The following LRRC4C variants were observed in gnomAD, a reference collection of about 807,000 sequenced individuals.
The protein encoded by LRRC4C is leucine-rich repeat-containing protein 4C.
LRRC4C carries 5 observed loss-of-function variants against 33.6 expected under a neutral mutation model. That is an observed-to-expected ratio of 0.15 (90% CI 0.08 to 0.31). The LOEUF is 0.31. Ranked by LOEUF, LRRC4C falls within the 10% of genes least tolerant of loss-of-function variation. The pLI is 1.00. For synonymous variants in LRRC4C, 329 were observed against 302.0 expected (o/e 1.09, Z -0.93); for missense variants, 560 against 796.7 (o/e 0.70, Z 3.58).
At chr11:41,186,417 ACT>A (rs1945698014) in intron 1 of LRRC4C, among the ~76,000 whole-genome samples, 1 of 152,188 alleles carries the variant, frequency 6.6e-6, no homozygotes, top group Non-Finnish European at 1.5e-5. Flanking sequence ...AAAATATAAC[ACT>A]GTCTAAAAGT....
intron 3 of LRRC4C, among the ~76,000 whole-genome samples, chr11:40,495,806 T>C (rs963025098): frequency 5.8e-5 from 6 of 102,776 alleles, no homozygotes; most frequent in African/African-American, 1.4e-4. Context: ...AAGTTCTCAA[T>C]AAACATGTTT....
At chr11:40,334,761 T>A (rs567738952) in intron 3 of LRRC4C, among the ~76,000 whole-genome samples, 1 of 152,310 alleles carries the variant, frequency 6.6e-6, no homozygotes, top group Admixed American at 6.5e-5. Flanking sequence ...AGTACCTATC[T>A]CAAATTTTTA....
intron 2 of LRRC4C, among the ~76,000 whole-genome samples, chr11:40,728,485 G>A (rs1264638306): frequency 3.3e-5 from 5 of 151,654 alleles, no homozygotes; most frequent in Non-Finnish European, 7.4e-5. Flanking sequence ...AGTTAGCTGG[G>A]TGTGTTGGCG....
chr11:40,172,805 A>T (rs1051784195), intron 5 of LRRC4C, among the ~76,000 whole-genome samples: 19 of 152,154 alleles, frequency 1.2e-4, no homozygotes, highest in Non-Finnish European at 2.5e-4. Flanking sequence ...GCCCTCAAAA[A>T]GATGTATTAA....
chr11:40,760,998 T>C (rs1408801046), intron 2 of LRRC4C, among the ~76,000 whole-genome samples: 2 of 151,306 alleles, frequency 1.3e-5, no homozygotes, highest in African/African-American at 2.4e-5. Flanking sequence ...ATCTGCCCTT[T>C]GAGGAAGCAC....
At chr11:40,580,161 C>T (rs1167000436) in intron 3 of LRRC4C, among the ~76,000 whole-genome samples, 2 of 151,486 alleles carry the variant, frequency 1.3e-5, no homozygotes, top group Non-Finnish European at 2.9e-5. Context: ...AAAGAAATTC[C>T]CCGAAACTGA....
intron 2 of LRRC4C, among the ~76,000 whole-genome samples, chr11:40,777,910 G>A (rs963416632): frequency 1.3e-5 from 2 of 151,906 alleles, no homozygotes; most frequent in South Asian, 2.1e-4. Flanking sequence ...GGATGGTCTC[G>A]ATCTCCTGAT....
intron 3 of LRRC4C, among the ~76,000 whole-genome samples, chr11:40,346,385 T>C (rs1321676257): frequency 6.6e-6 from 1 of 152,172 alleles, no homozygotes; most frequent in Non-Finnish European, 1.5e-5. Context: ...ATGAATGAGA[T>C]CATGTCCTTT....
chr11:41,326,252 C>T (rs1951114637), intron 1 of LRRC4C, among the ~76,000 whole-genome samples: 1 of 152,138 alleles, frequency 6.6e-6, no homozygotes, highest in Non-Finnish European at 1.5e-5. Context: ...TGCCCTTGAA[C>T]ATTGGGCTCG....
At chr11:41,006,984 G>A (rs147770223) in intron 1 of LRRC4C, among the ~76,000 whole-genome samples, 8 of 152,066 alleles carry the variant, frequency 5.3e-5, no homozygotes, top group African/African-American at 1.9e-4. Context: ...TGCCCCAAAG[G>A]CACTGAGCAA....
intron 2 of LRRC4C, among the ~76,000 whole-genome samples, chr11:40,712,014 T>C (rs552464632): frequency 2.6e-5 from 4 of 152,304 alleles, no homozygotes; most frequent in African/African-American, 9.6e-5. Context: ...TGCAGAGTAG[T>C]GTGGTAATTG....
intron 1 of LRRC4C, among the ~76,000 whole-genome samples, chr11:41,337,418 G>GACAACA (rs145560732): frequency 1.3e-5 from 2 of 151,518 alleles, no homozygotes; most frequent in African/African-American, 4.8e-5. Flanking sequence ...CAGCAAACCT[G>GACAACA]ACAAAAACAA....
intron 1 of LRRC4C, among the ~76,000 whole-genome samples, chr11:41,398,886 G>A (rs779317858): frequency 6.6e-6 from 1 of 151,686 alleles, no homozygotes; most frequent in Admixed American, 6.6e-5. Flanking sequence ...GACCTTATTG[G>A]CCTCTCTCCC....
intron 3 of LRRC4C, among the ~76,000 whole-genome samples, chr11:40,534,355 TAAA>T (rs2135336853): frequency 6.6e-6 from 1 of 152,302 alleles, no homozygotes; most frequent in Admixed American, 6.5e-5. Context: ...ACATAGTACT[TAAA>T]AATAATAATA....
intron 4 of LRRC4C, among the ~76,000 whole-genome samples, chr11:40,306,941 GT>G (rs5791371): frequency 0.56 from 81,673 of 146,846 alleles, 23,810 homozygotes; most frequent in East Asian, 0.77. Context: ...AGGTTATCTG[GT>G]TTTTTTTTTT....
rs116826387 is a variant in LRRC4C at position 40,935,122 on chromosome 11, T to G, written c.-495-1399A>C. 1.7e-3 allele frequency among the ~76,000 whole-genome samples: 257 copies of G among 152,296 alleles called. 2 individuals carry two copies. Among genetic ancestry groups the G allele is most frequent in the African/African-American group, 6.0e-3 (249 of 41,584 alleles). ...AAGAAAACCCCATGAGGGTGGGGAT[T>G]TCCATTAGTTTTTTTCACTGCTGCA... On this transcript the variant is annotated intron_variant, in intron 1 of 6. Transcript: ENST00000528697.
At chr11:40,916,777 A>G (rs568833957) in intron 2 of LRRC4C, among the ~76,000 whole-genome samples, 56 of 152,112 alleles carry the variant, frequency 3.7e-4, no homozygotes, top group African/African-American at 1.2e-3. Context: ...CACAATGACT[A>G]TTGAGACACT....
chr11:41,261,219 C>T (rs184769046), intron 1 of LRRC4C, among the ~76,000 whole-genome samples: 73 of 152,166 alleles, frequency 4.8e-4, no homozygotes, highest in African/African-American at 1.4e-3. Context: ...CCTTTTCCAC[C>T]GCAGCAACAA....
At chr11:41,251,189 T>A (rs946677978) in intron 1 of LRRC4C, among the ~76,000 whole-genome samples, 1 of 152,214 alleles carries the variant, frequency 6.6e-6, no homozygotes, top group Non-Finnish European at 1.5e-5. Context: ...ACCTTCATAT[T>A]TAAAATGTCT....
Sources: gnomAD v4.1 joint callset for allele counts (sites outside exome capture counted in the v4.1 genomes callset) on GRCh38, gnomAD v4.1.1 for gene constraint, MANE v1.5 for transcripts, NCBI Gene and HGNC (gene_info 2026-07-23, HGNC 2026-07-21) for gene names.